CASD1: variants seen among roughly 807,000 people sequenced by gnomAD.
CASD1 encodes the protein N-acetylneuraminate (7)9-O-acetyltransferase.
CASD1 carries 41 observed loss-of-function variants against 100.0 expected under a neutral mutation model. That is an observed-to-expected ratio of 0.41 (90% CI 0.32 to 0.53). The LOEUF is 0.53. Ranked by LOEUF, CASD1 falls within the 20% of genes least tolerant of loss-of-function variation. The pLI is 0.25. For synonymous variants in CASD1, 321 were observed against 315.6 expected (o/e 1.02, Z -0.18); for missense variants, 774 against 948.7 (o/e 0.82, Z 2.42).
At position 94,510,109 on chromosome 7, in the gene CASD1, G is replaced by C. The variant is rs888348975; in HGVS notation, c.25G>C (p.Gly9Arg). 2 of 1,530,042 alleles carry C rather than the reference G, an allele frequency of 1.3e-6. No individual in the cohort carries two copies. The highest frequency in any genetic ancestry group is 1.8e-6 in the Non-Finnish European group (2 of 1,137,176). 94.8% of individuals were successfully genotyped at this position (1,530,042 alleles called of 1,614,324 possible). A position where few individuals can be genotyped will look rare whatever the true frequency, so the allele number is the denominator to read the frequency against. ...GATGGCGGCTCTGGCCTACAACCTG[G>C]GCAAGCGGGAGATCAACCACTACTT... Reference protein sequence around the residue: MAALAYNLGKREINHYFSV... With the variant: MAALAYNLRKREINHYFSV... The change falls in exon 1 of 18, where the codon GGC becomes CGC. Residue 9 changes from glycine to arginine, a missense_variant. This residue lies in a region of CASD1 where 75 missense variants were observed against 60.9 expected (regional missense o/e 1.23). Coordinates refer to ENST00000297273, the MANE Select transcript of CASD1 (RefSeq NM_022900.5).
chr7:94,603,561 A>T, the CASD1 span: 5 of 1,006,068 alleles, frequency 5.0e-6, no homozygotes, highest in Admixed American at 2.0e-5. Flanking sequence ...GATTAACTAG[A>T]CTCATCCCTG....
At chr7:94,517,871 C>A (rs1794053740) in intron 2 of CASD1, among the ~76,000 whole-genome samples, 2 of 152,108 alleles carry the variant, frequency 1.3e-5, no homozygotes, top group Admixed American at 1.3e-4. Flanking sequence ...GATAACTAGG[C>A]CTAAGGCAAT....
chr7:94,525,932 T>C (rs1794543792), intron 3 of CASD1, among the ~76,000 whole-genome samples: 1 of 152,234 alleles, frequency 6.6e-6, no homozygotes, highest in South Asian at 2.1e-4. Flanking sequence ...CTGACCACCT[T>C]TACCCCTTTC....
the CASD1 span, chr7:94,599,060 A>T: frequency 1.1e-6 from 1 of 893,638 alleles, no homozygotes; most frequent in Non-Finnish European, 1.7e-6. Flanking sequence ...TTTATCTTTT[A>T]AAATAATAAG....
intron 7 of CASD1, among the ~76,000 whole-genome samples, chr7:94,534,159 ATTTT>A (rs56864121): frequency 0.023 from 2,299 of 100,534 alleles, 49 homozygotes; most frequent in African/African-American, 0.082. Context: ...CTGTTTCATA[ATTTT>A]TTTTTTTTTT....
At chr7:94,563,645 A>C in the CASD1 span, among the ~76,000 whole-genome samples, 6 of 151,958 alleles carry the variant, frequency 3.9e-5, no homozygotes, top group African/African-American at 1.5e-4. Flanking sequence ...TACATTTTTC[A>C]TTAATAGCAC....
chr7:94,614,292 G>C, the CASD1 span, among the ~76,000 whole-genome samples: 4 of 151,742 alleles, frequency 2.6e-5, no homozygotes, highest in Non-Finnish European at 5.9e-5. Context: ...ATGCTATTGG[G>C]TCCCCTAAAA....
chr7:94,574,784 C>T, the CASD1 span, among the ~76,000 whole-genome samples: 1 of 151,958 alleles, frequency 6.6e-6, no homozygotes, highest in Non-Finnish European at 1.5e-5. Flanking sequence ...TCCTGGCTAA[C>T]ACGGTGAAAC....
At chr7:94,607,123 G>A in the CASD1 span, among the ~76,000 whole-genome samples, 1 of 151,984 alleles carries the variant, frequency 6.6e-6, no homozygotes, top group African/African-American at 2.4e-5. Flanking sequence ...ATCTGCACAG[G>A]CCTATATGTA....
At chr7:94,548,863 A>G (rs1437534978) in intron 13 of CASD1, among the ~76,000 whole-genome samples, 2 of 151,882 alleles carry the variant, frequency 1.3e-5, no homozygotes, top group African/African-American at 4.8e-5. Context: ...AATGTACCCA[A>G]GACATCTGCC....
the CASD1 span, chr7:94,620,730 C>T: frequency 6.6e-6 from 1 of 152,178 alleles, no homozygotes; most frequent in African/African-American, 2.4e-5. Flanking sequence ...TATTATCTGG[C>T]TTTTCCTGTT....
chr7:94,515,068 A>T (rs1229510225), intron 1 of CASD1, among the ~76,000 whole-genome samples: 2 of 151,988 alleles, frequency 1.3e-5, no homozygotes, highest in Non-Finnish European at 2.9e-5. Context: ...GTAGTAATTT[A>T]TTATTACTAC....
At chr7:94,517,020 T>A (rs2116194266) in intron 1 of CASD1, among the ~76,000 whole-genome samples, 1 of 152,132 alleles carries the variant, frequency 6.6e-6, no homozygotes, top group South Asian at 2.1e-4. Flanking sequence ...TCTCATGTCT[T>A]GGCCTCCCGA....
chr7:94,529,378 A>G (rs1441617993), intron 5 of CASD1, among the ~76,000 whole-genome samples: 3 of 152,180 alleles, frequency 2.0e-5, no homozygotes, highest in Non-Finnish European at 2.9e-5. Flanking sequence ...CAAAATTTCA[A>G]TTCTCATACA....
the CASD1 span, chr7:94,585,511 T>C: frequency 6.2e-7 from 1 of 1,605,106 alleles, no homozygotes; most frequent in Non-Finnish European, 8.5e-7. Context: ...AGGGATACCA[T>C]TTACCTGCAA....
chr7:94,583,670 G>A, the CASD1 span, among the ~76,000 whole-genome samples: 2 of 152,094 alleles, frequency 1.3e-5, no homozygotes, highest in African/African-American at 2.4e-5. Flanking sequence ...TGAGTTTACT[G>A]GAATTGCTGA....
At chr7:94,550,274 A>G (rs1347446443) in intron 14 of CASD1, among the ~76,000 whole-genome samples, 2 of 151,804 alleles carry the variant, frequency 1.3e-5, no homozygotes, top group African/African-American at 4.8e-5. Context: ...TTCCTTTTTG[A>G]CTGATCTCTT....
chr7:94,599,292 T>G, the CASD1 span: 2 of 288,668 alleles, frequency 6.9e-6, no homozygotes, highest in Non-Finnish European at 1.3e-5. Flanking sequence ...AGCTTTTATA[T>G]TTTTGCTTCT....
the CASD1 span, chr7:94,629,941 T>A: frequency 7.3e-7 from 1 of 1,374,720 alleles, no homozygotes; most frequent in Non-Finnish European, 1.0e-6. Context: ...TCTCACTATG[T>A]AGACATTTCT....
Sources: gnomAD v4.1 joint callset for allele counts (sites outside exome capture counted in the v4.1 genomes callset) on GRCh38, gnomAD v4.1.1 for gene constraint, gnomAD v4.1.1 regional missense constraint, MANE v1.5 for transcripts, NCBI Gene and HGNC (gene_info 2026-07-23, HGNC 2026-07-21) for gene names.